Variants in SLIT2 observed in about 807,000 individuals in gnomAD.
SLIT2 encodes slit guidance ligand 2, also known as slit homolog 2 protein.
Under a neutral mutation model 185.7 loss-of-function variants are expected in SLIT2, and 41 were observed. The ratio of observed to expected loss-of-function variants is 0.22; its 90% CI spans 0.17 to 0.29. The LOEUF is 0.29. SLIT2 is among the 10% of genes least tolerant of loss of function. The pLI is 1.00. For synonymous variants in SLIT2, 693 were observed against 680.2 expected, an observed-to-expected ratio of 1.02 and a Z score of -0.29; for missense variants, 1,571 against 1,909.0, an observed-to-expected ratio of 0.82 and a Z score of 3.30.
chr4:20,460,709 C>T (rs1302187016), intron 4 of SLIT2, among the ~76,000 whole-genome samples: 1 of 152,136 alleles, frequency 6.6e-6, no homozygotes, highest in Non-Finnish European at 1.5e-5. Context: ...CCATTTTAAC[C>T]TCTACTTCTA....
At chr4:20,546,006 G>T in intron 21 of SLIT2, 25 bp from the exon 22 acceptor site, 1 of 1,346,110 alleles carries the variant, frequency 7.4e-7, no homozygotes, top group Non-Finnish European at 1.1e-6. Context: ...TTTGTAAGAA[G>T]ATAATATTGT....
At chr4:20,393,060 C>T (rs755467430) in intron 4 of SLIT2, among the ~76,000 whole-genome samples, 4 of 152,054 alleles carry the variant, frequency 2.6e-5, no homozygotes, top group Non-Finnish European at 4.4e-5. Flanking sequence ...AGCATCACCA[C>T]AGACACTTAA....
rs78234959 is a variant in SLIT2, at chr4:20,301,307, G to A, written c.395+32426G>A. On this transcript the variant is annotated intron_variant, in intron 4 of 36. Coordinates refer to ENST00000504154, the MANE Select transcript of SLIT2 (RefSeq NM_004787.4). Reference sequence around the variant, plus strand: ...TCTTAAAGAGATAAGCATGTTACTGGCTATTTGAAACTTTCTGTATGAGAA... The same window carrying A: ...TCTTAAAGAGATAAGCATGTTACTGACTATTTGAAACTTTCTGTATGAGAA... Among the ~76,000 whole-genome samples the A allele has an allele frequency of 2.6e-3, 393 of 152,140 alleles. 1 individual carries two copies. Among genetic ancestry groups the A allele is most frequent in the Non-Finnish European group, 4.2e-3 (283 of 67,956 alleles).
In SLIT2 at chr4:20,525,064, G is replaced by A. The variant is rs1209983721; in HGVS notation, c.1439-85G>A. The A allele has an allele frequency of 5.1e-6, 5 of 983,438 alleles. No homozygotes were observed. In the East Asian group the frequency reaches 9.6e-5, roughly 19 times the overall value. 60.9% of individuals were successfully genotyped at this position (983,438 alleles called of 1,614,324 possible). A position where few individuals can be genotyped will look rare whatever the true frequency, so the allele number is the denominator to read the frequency against. Reference sequence around the variant, plus strand: ...TTTTCACTTAATTGCAGTAACTTTAGTCCATTCTTAATCTAATATAACTCA... The same window carrying A: ...TTTTCACTTAATTGCAGTAACTTTAATCCATTCTTAATCTAATATAACTCA... On this transcript the variant is annotated intron_variant, in intron 14 of 36. Coordinates refer to ENST00000504154, the MANE Select transcript of SLIT2 (RefSeq NM_004787.4).
At chr4:20,365,969 G>A (rs1010685293) in intron 4 of SLIT2, among the ~76,000 whole-genome samples, 1 of 152,082 alleles carries the variant, frequency 6.6e-6, no homozygotes, top group Non-Finnish European at 1.5e-5. Context: ...ATATGAATTA[G>A]GAATCTTTCA....
At chr4:20,586,374 C>T (rs1227455760) in intron 29 of SLIT2, among the ~76,000 whole-genome samples, 7 of 152,134 alleles carry the variant, frequency 4.6e-5, no homozygotes, top group African/African-American at 7.2e-5. Flanking sequence ...CAAGATAGAG[C>T]TCTTGCCTTA....
intron 4 of SLIT2, among the ~76,000 whole-genome samples, chr4:20,317,806 T>TA (rs1323333868): frequency 2.0e-5 from 3 of 151,818 alleles, no homozygotes; most frequent in East Asian, 1.9e-4. Flanking sequence ...TCAAAATCAT[T>TA]AAAAAAAATT....
At chr4:20,420,391 T>C (rs1728082439) in intron 4 of SLIT2, among the ~76,000 whole-genome samples, 1 of 152,182 alleles carries the variant, frequency 6.6e-6, no homozygotes, top group African/African-American at 2.4e-5. Context: ...ATTAATTCAT[T>C]CAACAAATAT....
chr4:20,388,818 A>T (rs1725149817), intron 4 of SLIT2, among the ~76,000 whole-genome samples: 1 of 145,886 alleles, frequency 6.9e-6, no homozygotes, highest in Non-Finnish European at 1.5e-5. Context: ...ACATATGTAA[A>T]ATATATATAA....
chr4:20,602,546 G>T (rs1223814480), intron 33 of SLIT2, among the ~76,000 whole-genome samples: 1 of 152,088 alleles, frequency 6.6e-6, no homozygotes, highest in Non-Finnish European at 1.5e-5. Flanking sequence ...GTCTGCATTG[G>T]AATCACCTGA....
At chr4:20,409,206 A>T (rs1727008491) in intron 4 of SLIT2, among the ~76,000 whole-genome samples, 1 of 152,028 alleles carries the variant, frequency 6.6e-6, no homozygotes, top group African/African-American at 2.4e-5. Flanking sequence ...AGTCTTCCTG[A>T]TGCTCTCCTT....
rs374471819 is a variant in SLIT2, at chr4:20,484,622, G to A, written c.540-1578G>A. ...ACCTCTGAACGCACCATCAATAACC[G>A]CAGCCACCAACTGGCCCAGAGTGGC... On this transcript the variant is annotated intron_variant, in intron 6 of 36. Transcript: ENST00000504154. The surrounding 1 kb of genome is among the most constrained non-coding windows in gnomAD (Gnocchi z 4.3). Among the ~76,000 whole-genome samples the A allele has an allele frequency of 4.6e-5, 7 of 152,204 alleles. No homozygotes were observed. In the East Asian group the frequency reaches 5.8e-4, roughly 13 times the overall value.
rs1424718986 is a variant in SLIT2, at chr4:20,251,977, A to G, written c.-1839A>G. Among the ~76,000 whole-genome samples, 1 of 151,692 alleles carries G rather than the reference A, an allele frequency of 6.6e-6. No individual in the cohort carries two copies. The highest frequency in any genetic ancestry group is 2.4e-5 in the African/African-American group (1 of 41,270). ...GCGGCGGTGGTGGTGGCTGCCGCAG[A>G]CTGTGGTTAAAAAAAAGAAGGCGGC... On this transcript the variant is annotated 5_prime_UTR_variant, in exon 1 of 37. Transcript: ENST00000504154.
intron 4 of SLIT2, among the ~76,000 whole-genome samples, chr4:20,461,974 G>T (rs946022855): frequency 1.3e-5 from 2 of 152,124 alleles, no homozygotes; most frequent in Non-Finnish European, 2.9e-5. Flanking sequence ...TGGAGAAAGG[G>T]ACTTGACTGG....
At chr4:20,494,770 T>C (rs1476250197) in intron 9 of SLIT2, among the ~76,000 whole-genome samples, 1 of 145,308 alleles carries the variant, frequency 6.9e-6, no homozygotes, top group Non-Finnish European at 1.5e-5. Flanking sequence ...AGAGCTAGAC[T>C]CCGTCTCAAA....
In SLIT2 at chr4:20,469,318, C is replaced by G. The variant is rs542157076; in HGVS notation, c.467+1495C>G. On this transcript the variant is annotated intron_variant, in intron 5 of 36. Coordinates refer to ENST00000504154, the MANE Select transcript of SLIT2 (RefSeq NM_004787.4). ...CTTACAGTAGTATTACCTCTAATTC[C>G]TTAAAACAGGTGGCTTTTAATCTTC... Among the ~76,000 whole-genome samples the G allele has an allele frequency of 6.1e-3, 924 of 152,216 alleles. 16 individuals are homozygous for G. Among genetic ancestry groups the G allele is most frequent in the Middle Eastern group, 0.041 (12 of 294 alleles).
At chr4:20,521,648 C>T (rs1380744561) in intron 12 of SLIT2, among the ~76,000 whole-genome samples, 1 of 151,990 alleles carries the variant, frequency 6.6e-6, no homozygotes, top group Non-Finnish European at 1.5e-5. Context: ...GTTAATCAGC[C>T]CCTGTCACCC....
At chr4:20,375,793 G>C (rs1216007253) in intron 4 of SLIT2, among the ~76,000 whole-genome samples, 1 of 148,756 alleles carries the variant, frequency 6.7e-6, no homozygotes, top group African/African-American at 2.5e-5. Context: ...ATGTCTGAAG[G>C]AAAAAAAAAG....
intron 4 of SLIT2, among the ~76,000 whole-genome samples, chr4:20,434,571 A>G (rs1372513276): frequency 1.3e-5 from 2 of 152,194 alleles, no homozygotes; most frequent in Non-Finnish European, 2.9e-5. Flanking sequence ...TTAAAACAAG[A>G]AAAGAGTCTT....
Sources: gnomAD v4.1 joint callset for allele counts (sites outside exome capture counted in the v4.1 genomes callset) on GRCh38, gnomAD v4.1.1 for gene constraint, Gnocchi (gnomAD v3.1) non-coding constraint, MANE v1.5 for transcripts, NCBI Gene and HGNC (gene_info 2026-07-23, HGNC 2026-07-21) for gene names.